RECK: variants seen among roughly 807,000 people sequenced by gnomAD.
RECK encodes the protein reversion-inducing cysteine-rich protein with Kazal motifs.
Under a neutral mutation model 115.1 loss-of-function variants are expected in RECK, and 69 were observed. The observed-to-expected ratio is 0.60, with a 90% CI of 0.49 to 0.73. The LOEUF is 0.73. RECK is among the 30% of genes least tolerant of loss of function. The pLI is 0.00. For synonymous variants in RECK, 414 were observed against 419.7 expected, an observed-to-expected ratio of 0.99 and a Z score of 0.17; for missense variants, 1,047 against 1,203.7, an observed-to-expected ratio of 0.87 and a Z score of 1.93.
chr9:36,107,604 C>CA (rs11315233), intron 13 of RECK, among the ~76,000 whole-genome samples: 7,329 of 70,744 alleles, frequency 0.1, 249 homozygotes, highest in Admixed American at 0.16. Context: ...GACTCCGTCT[C>CA]AAAAAAAAAA....
At chr9:36,097,253 AG>A (rs1171443864) in intron 10 of RECK, among the ~76,000 whole-genome samples, 1 of 150,568 alleles carries the variant, frequency 6.6e-6, no homozygotes, top group East Asian at 2.0e-4. Context: ...GCTTGAACCT[AG>A]GAGGTGAAAG....
At chr9:36,074,785 T>G (rs1822383060) in intron 6 of RECK, among the ~76,000 whole-genome samples, 1 of 152,222 alleles carries the variant, frequency 6.6e-6, no homozygotes, top group South Asian at 2.1e-4. Context: ...ATGTTTTCAT[T>G]CTGAGTACTA....
At chr9:36,043,056 C>G (rs1429770901) in intron 1 of RECK, among the ~76,000 whole-genome samples, 2 of 115,760 alleles carry the variant, frequency 1.7e-5, no homozygotes, top group Non-Finnish European at 3.3e-5. Context: ...GACGGAGTCT[C>G]GCTCTGTTGC....
intron 7 of RECK, 98 bp downstream of exon 7, chr9:36,080,736 G>A (rs930002741): frequency 5.2e-5 from 52 of 997,808 alleles, no homozygotes; most frequent in African/African-American, 1.8e-4. Flanking sequence ...TCTTTCCCAT[G>A]GTGTATTTAG....
At chr9:36,092,908 A>T (rs1205156384) in intron 10 of RECK, among the ~76,000 whole-genome samples, 1 of 152,160 alleles carries the variant, frequency 6.6e-6, no homozygotes, top group East Asian at 1.9e-4. Context: ...ACAAAAAGAA[A>T]TGTCCCAAAA....
chr9:36,062,119 TAAGGC>T (rs1337800080), intron 4 of RECK, among the ~76,000 whole-genome samples: 1 of 152,020 alleles, frequency 6.6e-6, no homozygotes, highest in Non-Finnish European at 1.5e-5. Context: ...CCTGCAAGCA[TAAGGC>T]TTTTCTCTTT....
At chr9:36,104,292 G>GTGTATATATATATATATA (rs34438663) in intron 12 of RECK, among the ~76,000 whole-genome samples, 1 of 43,882 alleles carries the variant, frequency 2.3e-5, no homozygotes, top group African/African-American at 9.0e-5. Flanking sequence ...GTGTGTGTGT[G>GTGTATATATATATATATA]TATATATATA....
intron 12 of RECK, among the ~76,000 whole-genome samples, chr9:36,102,546 A>G (rs550611397): frequency 6.6e-6 from 1 of 152,306 alleles, no homozygotes; most frequent in Non-Finnish European, 1.5e-5. Context: ...TCTTACCATA[A>G]TAATGACTAG....
intron 1 of RECK, among the ~76,000 whole-genome samples, chr9:36,048,507 A>G (rs1294271436): frequency 2.6e-5 from 4 of 152,080 alleles, no homozygotes; most frequent in Admixed American, 6.6e-5. Context: ...TGGCTGTTTC[A>G]GGCCTCTATA....
intron 5 of RECK, 137 bp from the exon 6 acceptor site, chr9:36,065,440 A>T: frequency 1.7e-6 from 1 of 580,656 alleles, no homozygotes; most frequent in Non-Finnish European, 2.7e-6. Flanking sequence ...GGAAATTTAA[A>T]ATATTTGAAC....
At chr9:36,064,697 G>A (rs1003384542) in intron 5 of RECK, among the ~76,000 whole-genome samples, 2 of 152,216 alleles carry the variant, frequency 1.3e-5, no homozygotes, top group African/African-American at 4.8e-5. Context: ...CAGGCATTGA[G>A]GTGAAGCTGA....
At chr9:36,042,816 T>G (rs1191784933) in intron 1 of RECK, among the ~76,000 whole-genome samples, 1 of 152,136 alleles carries the variant, frequency 6.6e-6, no homozygotes, top group Non-Finnish European at 1.5e-5. Context: ...TGTTCCCTTT[T>G]CACCACATCC....
chr9:36,073,557 T>A (rs1286082107), intron 6 of RECK, among the ~76,000 whole-genome samples: 1 of 152,214 alleles, frequency 6.6e-6, no homozygotes, highest in African/African-American at 2.4e-5. Context: ...AGTTTTCCTG[T>A]GTCTAATTTC....
intron 9 of RECK, among the ~76,000 whole-genome samples, chr9:36,089,549 G>C (rs1311255574): frequency 1.3e-5 from 2 of 152,142 alleles, no homozygotes; most frequent in Admixed American, 1.3e-4. Flanking sequence ...GAAACGTTTT[G>C]AGTGCTGACA....
chr9:36,087,865 C>A lies in RECK; in HGVS notation c.809C>A (p.Ser270Tyr). 1 of 1,613,996 alleles carries A rather than the reference C, an allele frequency of 6.2e-7. No individual in the cohort carries two copies. ...LWQCFLESSQ[S>Y]VHPGVTVHPP... ...CAATGTTTTCTTGAAAGCTCACAAT[C>A]TGTTCACCCTGGAGTCACTGTACAC... Residue 270 changes from serine to tyrosine, a missense_variant, in exon 9 of 21, where the codon TCT (serine) becomes TAT (tyrosine). Transcript: ENST00000377966.
At chr9:36,064,795 A>T (rs1332252256) in intron 5 of RECK, among the ~76,000 whole-genome samples, 2 of 152,094 alleles carry the variant, frequency 1.3e-5, no homozygotes, top group Non-Finnish European at 2.9e-5. Context: ...TGTCCTCATC[A>T]GCTGGCCTGT....
At position 36,036,933 on chromosome 9, in the gene RECK, G is replaced by T. The variant is rs1820681166; in HGVS notation, c.-66G>T. ...GCCTCGCGCGAGCGGCGGCGGTAGC[G>T]GCGGCAGCGGCTGCGGCCAAGCTGG... is the stretch of plus-strand genomic sequence containing the variant. On this transcript the variant is annotated 5_prime_UTR_variant, in exon 1 of 21. Transcript: ENST00000377966. 2.8e-6 allele frequency: 3 copies of T among 1,083,102 alleles called. No individual in the cohort carries two copies. Among genetic ancestry groups the T allele is most frequent in the Non-Finnish European group, 2.4e-6 (2 of 838,676 alleles). 67.1% of individuals were successfully genotyped at this position (1,083,102 alleles called of 1,614,324 possible). A position where few individuals can be genotyped will look rare whatever the true frequency, so the allele number is the denominator to read the frequency against.
intron 6 of RECK, among the ~76,000 whole-genome samples, chr9:36,075,363 T>A (rs903881136): frequency 6.6e-6 from 1 of 152,160 alleles, no homozygotes; most frequent in Non-Finnish European, 1.5e-5. Flanking sequence ...CCTGTGGTGA[T>A]AATGAGCAAA....
At chr9:36,116,378 C>T (rs550803403) in intron 16 of RECK, among the ~76,000 whole-genome samples, 10 of 152,286 alleles carry the variant, frequency 6.6e-5, no homozygotes, top group East Asian at 1.9e-4. Flanking sequence ...CCACCCGCCT[C>T]GGCCTTCCAA....
Sources: allele counts gnomAD v4.1 joint callset (sites outside exome capture counted in the v4.1 genomes callset), GRCh38; gene constraint gnomAD v4.1.1; transcripts MANE v1.5; gene names NCBI Gene and HGNC (gene_info 2026-07-23, HGNC 2026-07-21).